Variants in NUSAP1 observed in about 807,000 individuals in gnomAD.
The protein encoded by NUSAP1 is nucleolar and spindle-associated protein 1.
Under a neutral mutation model 52.8 loss-of-function variants are expected in NUSAP1, and 32 were observed. The observed-to-expected ratio is 0.61, with a 90% CI of 0.46 to 0.81. NUSAP1 has a LOEUF of 0.81. NUSAP1 is among the 40% of genes least tolerant of loss of function. The pLI is 0.00. For missense variants in NUSAP1, 499 were observed against 522.3 expected (o/e 0.96, Z 0.43); for synonymous variants, 195 against 183.1 (o/e 1.06, Z -0.52).
chr15:41,342,387 C>CCTT lies in NUSAP1; in HGVS notation c.95_96insCTT (p.Ala32_Thr33insLeu). The CCTT allele has an allele frequency of 6.3e-7, 1 of 1,583,336 alleles. No individual in the cohort carries two copies. The highest frequency in any genetic ancestry group is 1.1e-5 in the South Asian group (1 of 87,080). On this transcript the variant is annotated inframe_insertion and splice_region_variant, in exon 2 of 11. Coordinates refer to ENST00000559596, the MANE Select transcript of NUSAP1 (RefSeq NM_016359.5). ...CTAATAATAAGGTCTCTCTTGCAGG[C>CCTT]AACCAAGTTGTTAAAAGCCTTGAAA...
rs1186575674 is a variant in NUSAP1 at position 41,350,099 on chromosome 15, T to C, written c.306+858T>C. 7.2e-5 allele frequency among the ~76,000 whole-genome samples: 11 copies of C among 152,186 alleles called. No homozygotes were observed. In the East Asian group the frequency reaches 2.1e-3, roughly 29 times the overall value. On this transcript the variant is annotated intron_variant, in intron 3 of 10. Transcript: ENST00000559596. The stretch of plus-strand genomic sequence containing the variant: ...ACAGTCTTAATTTTCTTTTCTATGT[T>C]CATATTGTTGCAGTAAACTGAGGAA...
chr15:41,332,926 T>A lies in NUSAP1; in HGVS notation c.-32T>A. ...CGCGCTGACGAAGTTTGGTGATCCATCTTCCGAGTATCGCCGGGATTTCGA... is the reference window on the plus strand; with the variant it reads ...CGCGCTGACGAAGTTTGGTGATCCAACTTCCGAGTATCGCCGGGATTTCGA... On this transcript the variant is annotated 5_prime_UTR_variant, in exon 1 of 11. Coordinates refer to ENST00000559596, the MANE Select transcript of NUSAP1 (RefSeq NM_016359.5). The A allele has an allele frequency of 6.5e-7, 1 of 1,543,124 alleles. No homozygotes were observed.
intron 1 of NUSAP1, among the ~76,000 whole-genome samples, chr15:41,337,263 C>G (rs187701840): frequency 6.6e-6 from 1 of 152,170 alleles, no homozygotes; most frequent in Non-Finnish European, 1.5e-5. Context: ...CAGCGATCCT[C>G]GCGCCTTGGC....
intron 6 of NUSAP1, among the ~76,000 whole-genome samples, chr15:41,361,668 T>C (rs1178948405): frequency 1.3e-5 from 2 of 152,206 alleles, no homozygotes. Context: ...ACCATAAACG[T>C]TGAGTATTGC....
intron 4 of NUSAP1, among the ~76,000 whole-genome samples, chr15:41,354,177 G>T (rs1311228628): frequency 6.6e-6 from 1 of 152,132 alleles, no homozygotes; most frequent in Non-Finnish European, 1.5e-5. Context: ...GGATTTTGAG[G>T]CCAGCTGGGC....
At chr15:41,336,999 C>CTTTTTTTTTTTT (rs201223527) in intron 1 of NUSAP1, among the ~76,000 whole-genome samples, 1 of 65,826 alleles carries the variant, frequency 1.5e-5, no homozygotes, top group Non-Finnish European at 2.7e-5. Context: ...CTTTCCTTTT[C>CTTTTTTTTTTTT]TTTTTTTTTT....
chr15:41,338,793 TA>T (rs560430284), intron 1 of NUSAP1, among the ~76,000 whole-genome samples: 339 of 143,016 alleles, frequency 2.4e-3, no homozygotes, highest in Middle Eastern at 7.1e-3. Context: ...CCGTCTCTAC[TA>T]AAAAAAAAAA....
intron 10 of NUSAP1, 123 bp downstream of exon 10, chr15:41,377,427 CG>C: frequency 1.9e-6 from 1 of 517,676 alleles, no homozygotes; most frequent in Non-Finnish European, 3.4e-6. Context: ...TGGCCGTGTG[CG>C]GTGGCTCACG....
In NUSAP1 at chr15:41,344,617, G is replaced by A. The variant is rs564377764; in HGVS notation, c.162+2163G>A. On this transcript the variant is annotated intron_variant, in intron 2 of 10. Transcript: ENST00000559596. ...CATGCCACTGCACTCCAGCCTGGGC[G>A]ACAAAGCGAGACTCCGTCTCAAAAA... 7.3e-5 allele frequency among the ~76,000 whole-genome samples: 11 copies of A among 150,922 alleles called. No homozygotes were observed. In the South Asian group the frequency reaches 2.3e-3, roughly 32 times the overall value.
intron 7 of NUSAP1, among the ~76,000 whole-genome samples, chr15:41,370,621 A>T (rs2049631741): frequency 6.6e-6 from 1 of 151,526 alleles, no homozygotes; most frequent in Admixed American, 6.6e-5. Flanking sequence ...ATGGTGGCGC[A>T]TGCCTGTAAT....
intron 7 of NUSAP1, among the ~76,000 whole-genome samples, chr15:41,367,785 C>T (rs1195786121): frequency 3.3e-5 from 5 of 152,148 alleles, no homozygotes; most frequent in Non-Finnish European, 7.4e-5. Flanking sequence ...GAATCCCCTC[C>T]TGACTGCGGG....
rs148571636 is a variant in NUSAP1, at chr15:41,348,044, G to T, written c.163-1054G>T. Among the ~76,000 whole-genome samples, 281 of 152,136 alleles carry T rather than the reference G, an allele frequency of 1.8e-3. 4 individuals carry two copies. In the South Asian group the frequency reaches 0.028, roughly 15 times the overall value. On this transcript the variant is annotated intron_variant, in intron 2 of 10. Coordinates refer to ENST00000559596, the MANE Select transcript of NUSAP1 (RefSeq NM_016359.5). The stretch of plus-strand genomic sequence containing the variant: ...AGGCTGAGGTGGGAGGGTCAGTTGA[G>T]CTCCAGAAATTGAGGCCGCAGTGAA...
intron 7 of NUSAP1, among the ~76,000 whole-genome samples, chr15:41,367,207 CA>C (rs1471120787): frequency 2.6e-5 from 4 of 152,170 alleles, no homozygotes; most frequent in Non-Finnish European, 4.4e-5. Flanking sequence ...TTGAGCAGGT[CA>C]GGGGCTTCTC....
intron 7 of NUSAP1, among the ~76,000 whole-genome samples, chr15:41,371,054 TGTAAAGAATG>T (rs1178498807): frequency 4.6e-5 from 7 of 152,214 alleles, no homozygotes; most frequent in Non-Finnish European, 1.0e-4. Flanking sequence ...ATTTGCCATA[TGTAAAGAATG>T]GTAAAGAATG....
chr15:41,363,664 G>T (rs2049276312), intron 6 of NUSAP1, among the ~76,000 whole-genome samples: 1 of 151,948 alleles, frequency 6.6e-6, no homozygotes, highest in African/African-American at 2.4e-5. Flanking sequence ...TGGGCCACCA[G>T]ATTATGTTTA....
Position 41,369,573 on chromosome 15 carries a change from A to G in NUSAP1, c.849-1954A>G, listed in dbSNP as rs542420814. On this transcript the variant is annotated intron_variant, in intron 7 of 10. Transcript: ENST00000559596. Reference sequence around the variant, plus strand: ...TGAGGCAAGAGAATCGCGTGAACCCAGGAGGTGGAGGTTTCAGTGAGCCAA... The same window carrying G: ...TGAGGCAAGAGAATCGCGTGAACCCGGGAGGTGGAGGTTTCAGTGAGCCAA... Among the ~76,000 whole-genome samples the G allele has an allele frequency of 6.6e-5, 10 of 150,714 alleles. No homozygotes were observed. In the East Asian group the frequency reaches 2.0e-3, roughly 30 times the overall value.
rs1276221338 is a variant in NUSAP1 at position 41,333,057 on chromosome 15, C to T, written c.93+7C>T. On this transcript the variant is annotated splice_region_variant and intron_variant, in intron 1 of 10. Coordinates refer to ENST00000559596, the MANE Select transcript of NUSAP1 (RefSeq NM_016359.5). Reference sequence around the variant, plus strand: ...TCTCCGGGCCAACCTGAGGGTACGGCGCTGGCGGTGCGGGTCCCTGGGCGG... The same window carrying T: ...TCTCCGGGCCAACCTGAGGGTACGGTGCTGGCGGTGCGGGTCCCTGGGCGG... 5.0e-6 allele frequency: 8 copies of T among 1,604,516 alleles called. No homozygotes were observed. The highest frequency in any genetic ancestry group is 6.8e-6 in the Non-Finnish European group (8 of 1,175,120).
At chr15:41,378,868 T>C (rs1279470496) in intron 10 of NUSAP1, among the ~76,000 whole-genome samples, 1 of 150,444 alleles carries the variant, frequency 6.6e-6, no homozygotes, top group Admixed American at 6.6e-5. Flanking sequence ...GAGTTAGCCA[T>C]TATGCTCTAC....
At chr15:41,365,288 C>G (rs2049348619) in intron 6 of NUSAP1, 114 bp from the exon 7 acceptor site, 1 of 788,972 alleles carries the variant, frequency 1.3e-6, no homozygotes, top group African/African-American at 1.8e-5. Flanking sequence ...TCCTGAGTAG[C>G]TGGGACTATA....
Sources: allele counts gnomAD v4.1 joint callset (sites outside exome capture counted in the v4.1 genomes callset), GRCh38; gene constraint gnomAD v4.1.1; transcripts MANE v1.5; gene names NCBI Gene and HGNC (gene_info 2026-07-23, HGNC 2026-07-21).